Variants in PES1 observed in about 807,000 individuals in gnomAD.
PES1 encodes pescadillo homolog.
PES1 carries 31 observed loss-of-function variants against 77.1 expected under a neutral mutation model. That is an observed-to-expected ratio of 0.40 (90% CI 0.30 to 0.54). PES1 has a LOEUF of 0.54. PES1 is among the 20% of genes least tolerant of loss of function. The pLI is 0.45. For missense variants in PES1, 658 were observed against 771.7 expected (o/e 0.85, Z 1.75); for synonymous variants, 282 against 303.0 (o/e 0.93, Z 0.72).
At chr22:30,577,482 C>T (rs2086918784) in intron 14 of PES1, among the ~76,000 whole-genome samples, 2 of 152,146 alleles carry the variant, frequency 1.3e-5, no homozygotes, top group South Asian at 4.1e-4. Flanking sequence ...ACCTTCTTTC[C>T]GGGGTCATCT....
intron 2 of PES1, among the ~76,000 whole-genome samples, chr22:30,597,475 C>T (rs868321145): frequency 2.0e-5 from 3 of 151,130 alleles, no homozygotes; most frequent in South Asian, 4.2e-4. Context: ...CACCAATCTG[C>T]GCTCTGTGTC....
intron 3 of PES1, 123 bp downstream of exon 3, chr22:30,587,898 G>T: frequency 1.1e-6 from 1 of 950,794 alleles, no homozygotes; most frequent in Non-Finnish European, 1.6e-6. Context: ...TTCTGTTGAG[G>T]CTCACCCTGC....
intron 6 of PES1, among the ~76,000 whole-genome samples, chr22:30,582,593 C>T (rs1279816159): frequency 6.6e-6 from 1 of 152,164 alleles, no homozygotes; most frequent in Non-Finnish European, 1.5e-5. Flanking sequence ...CATTTGGCCC[C>T]CAGGACGCGG....
At chr22:30,589,565 C>T (rs1294534456) in intron 1 of PES1, among the ~76,000 whole-genome samples, 1 of 152,224 alleles carries the variant, frequency 6.6e-6, no homozygotes, top group African/African-American at 2.4e-5. Context: ...TTGGCCATTA[C>T]AATTAGTGAT....
intron 2 of PES1, among the ~76,000 whole-genome samples, chr22:30,604,519 G>A (rs542259115): frequency 1.3e-5 from 2 of 152,196 alleles, no homozygotes; most frequent in East Asian, 3.9e-4. Flanking sequence ...TGTGATGTCA[G>A]CTACTCAAGA....
Position 30,584,353 on chromosome 22 carries a change from A to T in PES1, c.630+12T>A. 2 of 1,595,726 alleles carry T rather than the reference A, an allele frequency of 1.3e-6. No homozygotes were observed. The highest frequency in any genetic ancestry group is 2.3e-5 in the East Asian group (1 of 44,386). ...CAGCACAAGCCCGTCCCCTCCCGAC[A>T]GGCACACTCACGTCATGGGAGAAGG... is the stretch of plus-strand genomic sequence containing the variant. On this transcript the variant is annotated intron_variant, in intron 6 of 14. Coordinates refer to ENST00000354694, the MANE Select transcript of PES1 (RefSeq NM_014303.4).
At chr22:30,591,478 A>C (rs1371316160) in intron 1 of PES1, among the ~76,000 whole-genome samples, 1 of 152,216 alleles carries the variant, frequency 6.6e-6, no homozygotes, top group Admixed American at 6.5e-5. Flanking sequence ...GTAACGGTGC[A>C]GTAACGGTGA....
intron 2 of PES1, among the ~76,000 whole-genome samples, chr22:30,604,795 T>G (rs895433760): frequency 2.0e-5 from 3 of 152,104 alleles, no homozygotes; most frequent in Admixed American, 2.0e-4. Flanking sequence ...AATCTTGATC[T>G]GGCCAGGTGC....
intron 2 of PES1, among the ~76,000 whole-genome samples, chr22:30,600,873 A>C (rs1377009747): frequency 6.6e-6 from 1 of 152,224 alleles, no homozygotes; most frequent in Admixed American, 6.5e-5. Context: ...CTGTCTTGAC[A>C]TCTTTTATGC....
chr22:30,580,067 G>A lies in PES1; in HGVS notation c.1155C>T (p.Thr385=). ...HQIVDRPGQQ[T]SVIGRCYVQP... ...TGAGGGCCTACCTGCCAATGACTGA[G>A]GTCTGCTGCCCAGGCCGGTCGACAA... Residue 385 remains threonine, a synonymous_variant, in exon 11 of 15, where the codon ACC becomes ACT. Coordinates refer to ENST00000354694, the MANE Select transcript of PES1 (RefSeq NM_014303.4). 1 of 1,614,052 alleles carries A rather than the reference G, an allele frequency of 6.2e-7. No individual in the cohort carries two copies. Among genetic ancestry groups the A allele is most frequent in the Non-Finnish European group, 8.5e-7 (1 of 1,179,950 alleles).
At position 30,577,012 on chromosome 22, in the gene PES1, G is replaced by C; in HGVS notation, c.*34C>G. ...GCCTCTGCCACATCCAGCTGCTAGG[G>C]GCTGGCCTCAGCCCTGTGAGGGGCC... On this transcript the variant is annotated 3_prime_UTR_variant, in exon 15 of 15. Coordinates refer to ENST00000354694, the MANE Select transcript of PES1 (RefSeq NM_014303.4). 1 of 1,573,362 alleles carries C rather than the reference G, an allele frequency of 6.4e-7. No homozygotes were observed. The highest frequency in any genetic ancestry group is 8.7e-7 in the Non-Finnish European group (1 of 1,143,920).
chr22:30,600,392 A>G (rs1340249822), intron 2 of PES1, among the ~76,000 whole-genome samples: 1 of 152,186 alleles, frequency 6.6e-6, no homozygotes, highest in Admixed American at 6.6e-5. Flanking sequence ...ACATAGATAA[A>G]GAACTCTTGG....
upstream of PES1, among the ~76,000 whole-genome samples, chr22:30,596,490 T>C (rs2087254482): frequency 6.7e-6 from 1 of 149,438 alleles, no homozygotes; most frequent in South Asian, 2.1e-4. Context: ...TGGCCCCATT[T>C]AAAACTTAAA....
At chr22:30,596,508 A>AG (rs972566048), upstream of PES1, among the ~76,000 whole-genome samples, 1 of 151,562 alleles carries the variant, frequency 6.6e-6, no homozygotes, top group African/African-American at 2.4e-5. Context: ...AAAAAAAAAA[A>AG]AAAAGATTTT....
chr22:30,602,853 GAA>G (rs1237573802), intron 2 of PES1, among the ~76,000 whole-genome samples: 8 of 152,288 alleles, frequency 5.3e-5, no homozygotes, highest in African/African-American at 1.7e-4. Flanking sequence ...ACCATTTGAT[GAA>G]ATGTCTTACT....
At chr22:30,606,915 AATCCACCACTGGAAC>A (rs2087458849) in exon 1 of PES1, 5 of 1,066,794 alleles carry the variant, frequency 4.7e-6, no homozygotes. Context: ...CGGTCCTGCC[AATCCACCACTGGAAC>A]AGCTGGGGGG....
At chr22:30,594,720 A>G (rs1410817021), upstream of PES1, among the ~76,000 whole-genome samples, 1 of 151,766 alleles carries the variant, frequency 6.6e-6, no homozygotes, top group Non-Finnish European at 1.5e-5. Flanking sequence ...CTGTAGTCCC[A>G]GCTACTCAGA....
At chr22:30,590,647 A>G (rs955023749) in intron 1 of PES1, among the ~76,000 whole-genome samples, 1 of 152,132 alleles carries the variant, frequency 6.6e-6, no homozygotes, top group Non-Finnish European at 1.5e-5. Context: ...ATAGTTCTCA[A>G]TGGGGTACTC....
intron 10 of PES1, 54 bp from the exon 11 acceptor site, chr22:30,580,232 G>A (rs1337618200): frequency 6.4e-7 from 1 of 1,564,068 alleles, no homozygotes; most frequent in Non-Finnish European, 8.6e-7. Flanking sequence ...TGCCTGTCCT[G>A]AGACTCAGCT....
Sources: gnomAD v4.1 joint callset for allele counts (sites outside exome capture counted in the v4.1 genomes callset) on GRCh38, gnomAD v4.1.1 for gene constraint, MANE v1.5 for transcripts, NCBI Gene and HGNC (gene_info 2026-07-23, HGNC 2026-07-21) for gene names.